SLC10A7: variants seen among roughly 807,000 people sequenced by gnomAD.
SLC10A7 encodes the protein solute carrier family 10 member 7, also known as sodium/bile acid cotransporter 7.
A neutral mutation model predicts 43.2 loss-of-function variants in SLC10A7; 29 were observed. The ratio of observed to expected loss-of-function variants is 0.67; its 90% CI spans 0.50 to 0.92. SLC10A7 has a LOEUF of 0.92. Among genes scored for constraint, SLC10A7 ranks in the 40% least tolerant of loss-of-function variants. SLC10A7 has a pLI of 0.00. For synonymous variants in SLC10A7, 152 were observed against 144.8 expected, an observed-to-expected ratio of 1.05 and a Z score of -0.35; for missense variants, 295 against 403.2, an observed-to-expected ratio of 0.73 and a Z score of 2.30.
intron 5 of SLC10A7, among the ~76,000 whole-genome samples, chr4:146,401,389 G>T (rs1739214601): frequency 1.3e-5 from 2 of 152,150 alleles, no homozygotes; most frequent in South Asian, 4.2e-4. Context: ...AATACAAAAG[G>T]AGAGGCCAGA....
intron 5 of SLC10A7, among the ~76,000 whole-genome samples, chr4:146,405,212 T>C (rs1240477931): frequency 6.6e-6 from 1 of 152,190 alleles, no homozygotes; most frequent in Non-Finnish European, 1.5e-5. Flanking sequence ...TTCAACTTTC[T>C]ATTTTCCAGA....
intron 6 of SLC10A7, among the ~76,000 whole-genome samples, chr4:146,309,100 C>G (rs1486050969): frequency 3.3e-5 from 5 of 152,092 alleles, no homozygotes; most frequent in African/African-American, 9.7e-5. Context: ...GTTTTCCCCA[C>G]TTATAACTGG....
chr4:146,509,947 A>G lies in SLC10A7; in HGVS notation c.286T>C (p.Ser96Pro). 6.2e-7 allele frequency: 1 copy of G among 1,613,838 alleles called. No individual in the cohort carries two copies. Among genetic ancestry groups the G allele is most frequent in the Non-Finnish European group, 8.5e-7 (1 of 1,179,906 alleles). ...AGCCATTCGTTGATGGGTGTGATTG[A>G]TAAAAGCTGAAGAAAAAGCCATATT... ...ATIWLFLQLL[S>P]ITPINEWLLK... The change falls in exon 3 of 12, where the codon TCA becomes CCA. Residue 96 changes from serine to proline, a missense_variant. Ser to Pro is a moderately conservative substitution (Grantham distance 74). This residue lies in a region of SLC10A7 where 242 missense variants were observed against 362.5 expected (regional missense o/e 0.67). Coordinates refer to ENST00000335472, the MANE Select transcript of SLC10A7 (RefSeq NM_001029998.6).
chr4:146,461,195 T>G (rs757611792), intron 4 of SLC10A7, among the ~76,000 whole-genome samples: 7 of 152,044 alleles, frequency 4.6e-5, no homozygotes, highest in Non-Finnish European at 1.0e-4. Context: ...AATAAACTGT[T>G]TTAATTTAAA....
At chr4:146,483,691 A>G (rs1734680669) in intron 4 of SLC10A7, among the ~76,000 whole-genome samples, 1 of 152,136 alleles carries the variant, frequency 6.6e-6, no homozygotes, top group Non-Finnish European at 1.5e-5. Flanking sequence ...TTGGATTAAA[A>G]AAAAACCCAG....
At chr4:146,281,396 C>CAA (rs774519759) in intron 10 of SLC10A7, among the ~76,000 whole-genome samples, 4 of 74,962 alleles carry the variant, frequency 5.3e-5, no homozygotes, top group African/African-American at 1.9e-4. Context: ...GAAGTAAAAT[C>CAA]AAAAAAAAAA....
At chr4:146,447,879 C>T (rs975916264) in intron 4 of SLC10A7, among the ~76,000 whole-genome samples, 2 of 151,074 alleles carry the variant, frequency 1.3e-5, no homozygotes, top group African/African-American at 4.9e-5. Flanking sequence ...GAATTAATTT[C>T]ATCATAAACT....
intron 4 of SLC10A7, among the ~76,000 whole-genome samples, chr4:146,467,857 C>A (rs1473196105): frequency 6.6e-6 from 1 of 152,214 alleles, no homozygotes; most frequent in South Asian, 2.1e-4. Flanking sequence ...GCCACCGCAC[C>A]TGGCCTTGCC....
In SLC10A7 at chr4:146,350,409, C is replaced by T. The variant is rs1734980595; in HGVS notation, c.436-24413G>A. ...CCCACGGAATCTCGCTGATTGCTAG[C>T]ACAGCAGTCTGAGATCAAACTGTAA... On this transcript the variant is annotated intron_variant, in intron 5 of 11. Coordinates refer to ENST00000335472, the MANE Select transcript of SLC10A7 (RefSeq NM_001029998.6). 6.2e-5 allele frequency among the ~76,000 whole-genome samples: 5 copies of T among 81,294 alleles called. No homozygotes were observed. The South Asian group carries it at 2.3e-3, about 37-fold the overall frequency. 53.3% of individuals were successfully genotyped at this position (81,294 alleles called of 152,430 possible).
chr4:146,311,390 C>G (rs1731968106), intron 6 of SLC10A7, among the ~76,000 whole-genome samples: 1 of 152,142 alleles, frequency 6.6e-6, no homozygotes, highest in Non-Finnish European at 1.5e-5. Flanking sequence ...TGTAAGTGAG[C>G]TGACCTGTAA....
At chr4:146,435,476 A>G (rs1455487309) in intron 5 of SLC10A7, among the ~76,000 whole-genome samples, 1 of 152,228 alleles carries the variant, frequency 6.6e-6, no homozygotes, top group Non-Finnish European at 1.5e-5. Flanking sequence ...ATTTACTCCA[A>G]CAGTCTCTCC....
intron 5 of SLC10A7, among the ~76,000 whole-genome samples, chr4:146,433,994 AC>A (rs1342502069): frequency 3.3e-5 from 5 of 152,348 alleles, no homozygotes; most frequent in Non-Finnish European, 2.9e-5. Flanking sequence ...ATATTTATGT[AC>A]AAAAATGTTG....
chr4:146,506,221 A>G (rs1736880800), intron 3 of SLC10A7, among the ~76,000 whole-genome samples: 1 of 152,198 alleles, frequency 6.6e-6, no homozygotes, highest in Admixed American at 6.5e-5. Context: ...AGATTGTGCC[A>G]CTGCACTCCA....
chr4:146,303,037 G>C (rs975447399), intron 7 of SLC10A7, among the ~76,000 whole-genome samples: 15 of 152,264 alleles, frequency 9.9e-5, no homozygotes, highest in African/African-American at 1.4e-4. Flanking sequence ...CAGCCTAAGA[G>C]AGCAGACTCA....
At chr4:146,273,284 G>T (rs1310208481) in intron 10 of SLC10A7, among the ~76,000 whole-genome samples, 1 of 152,040 alleles carries the variant, frequency 6.6e-6, no homozygotes, top group Non-Finnish European at 1.5e-5. Context: ...GGCCCCTCTT[G>T]TTCCTGCTCC....
intron 10 of SLC10A7, among the ~76,000 whole-genome samples, chr4:146,266,499 A>C (rs1000099731): frequency 6.6e-6 from 1 of 152,146 alleles, no homozygotes; most frequent in African/African-American, 2.4e-5. Flanking sequence ...ATAGTCACAG[A>C]AAGTCAAACT....
intron 6 of SLC10A7, among the ~76,000 whole-genome samples, chr4:146,321,591 T>G (rs1324869003): frequency 1.3e-5 from 2 of 152,118 alleles, no homozygotes; most frequent in African/African-American, 4.8e-5. Context: ...ACACCTTTTA[T>G]GGAATGTGTT....
chr4:146,274,870 T>C (rs955301461), intron 10 of SLC10A7, among the ~76,000 whole-genome samples: 9 of 152,296 alleles, frequency 5.9e-5, no homozygotes, highest in African/African-American at 1.7e-4. Flanking sequence ...AAGTGGGGTA[T>C]ATTGTGGCCA....
intron 5 of SLC10A7, chr4:146,441,782 CATT>C: frequency 2.0e-6 from 2 of 985,184 alleles, no homozygotes; most frequent in Non-Finnish European, 2.4e-6. Flanking sequence ...GATGCTACAT[CATT>C]ATAAACTCTG....
Sources: gnomAD v4.1 joint callset for allele counts (sites outside exome capture counted in the v4.1 genomes callset) on GRCh38, gnomAD v4.1.1 for gene constraint, gnomAD v4.1.1 regional missense constraint, MANE v1.5 for transcripts, NCBI Gene and HGNC (gene_info 2026-07-23, HGNC 2026-07-21) for gene names.